Variants in LRIG1 observed in about 807,000 individuals in gnomAD.
LRIG1 encodes the protein leucine rich repeats and immunoglobulin like domains 1.
In LRIG1, 48 loss-of-function variants were observed where a neutral mutation model predicts 99.2. That is an observed-to-expected ratio of 0.48 (90% confidence interval 0.38 to 0.62). The LOEUF is 0.62. Among genes scored for constraint, LRIG1 ranks in the 20% least tolerant of loss-of-function variants. The probability of loss-of-function intolerance (pLI) is 0.00; values close to 1 mark genes in which losing one functional copy is unlikely to be tolerated. For missense variants in LRIG1, 1,646 were observed against 1,434.4 expected, an observed-to-expected ratio of 1.15 and a Z score of -2.38; for synonymous variants, 772 against 596.1, an observed-to-expected ratio of 1.29 and a Z score of -4.30.
intron 3 of LRIG1, among the ~76,000 whole-genome samples, chr3:66,435,317 G>T (rs1703319979): frequency 6.6e-6 from 1 of 152,172 alleles, no homozygotes; most frequent in Admixed American, 6.5e-5. Context: ...CCAGCACTTT[G>T]GGAGGCCGAG....
intron 3 of LRIG1, among the ~76,000 whole-genome samples, chr3:66,423,238 A>G (rs574039831): frequency 7.6e-4 from 116 of 152,360 alleles, no homozygotes; most frequent in African/African-American, 2.6e-3. Context: ...AATACTTCAG[A>G]TGGTAAATTT....
chr3:66,391,841 AT>A (rs1701632345), intron 12 of LRIG1, among the ~76,000 whole-genome samples: 1 of 152,254 alleles, frequency 6.6e-6, no homozygotes, highest in Non-Finnish European at 1.5e-5. Flanking sequence ...CATCTAAAGT[AT>A]ACAATTCAAT....
intron 3 of LRIG1, among the ~76,000 whole-genome samples, chr3:66,432,809 G>A (rs751133427): frequency 3.0e-4 from 45 of 152,154 alleles, no homozygotes; most frequent in African/African-American, 9.9e-4. Flanking sequence ...ACCAGGGACA[G>A]GGATAACCCT....
At chr3:66,398,864 T>G (rs1372909321) in intron 10 of LRIG1, 106 bp downstream of exon 10, 1 of 900,058 alleles carries the variant, frequency 1.1e-6, no homozygotes, top group African/African-American at 1.6e-5. Context: ...TGTTTCCAAA[T>G]AGCCTGTTTC....
In LRIG1 at chr3:66,383,011, T is replaced by G; in HGVS notation, c.2462A>C (p.Lys821Thr). 6.2e-7 allele frequency: 1 copy of G among 1,613,632 alleles called. No homozygotes were observed. Among genetic ancestry groups the G allele is most frequent in the Non-Finnish European group, 8.5e-7 (1 of 1,179,650 alleles). ...WVCIIYQTRKKSEEYSVTNTD... is the reference protein window; with the variant it reads ...WVCIIYQTRKTSEEYSVTNTD... ...GTTGGTGACACTGTACTCTTCACTC[T>G]TCTTCCTGGTCTGGTAGATGATGCA... is the stretch of plus-strand genomic sequence containing the variant. The change falls in exon 15 of 19, where the codon AAG becomes ACG. Residue 821 changes from lysine to threonine, a missense_variant. Lys to Thr is a moderately conservative substitution (Grantham distance 78). Coordinates refer to ENST00000273261, the MANE Select transcript of LRIG1 (RefSeq NM_015541.3).
At position 66,385,987 on chromosome 3, in the gene LRIG1, C is replaced by A. The variant is rs755805707; in HGVS notation, c.1783G>T (p.Val595Leu). Residue 595 changes from valine to leucine, a missense_variant, in exon 13 of 19, where the codon GTG (valine) becomes TTG (leucine). Physicochemically the swap from Val to Leu is conservative, Grantham distance 32. Transcript: ENST00000273261. The stretch of plus-strand genomic sequence containing the variant: ...AAAGATGGTGTTTCCATACCATTCA[C>A]GGTGAGCCTGGCCTTATGTGAATAG... ...STYSHKARLTVNVLPSFTKTP... is the reference protein window; with the variant it reads ...STYSHKARLTLNVLPSFTKTP... The A allele has an allele frequency of 6.2e-7, 1 of 1,613,236 alleles. No homozygotes were observed. The highest frequency in any genetic ancestry group is 1.3e-5 in the African/African-American group (1 of 75,022).
At chr3:66,457,348 AGGCCTGG>A (rs1489407930) in intron 2 of LRIG1, among the ~76,000 whole-genome samples, 1 of 152,014 alleles carries the variant, frequency 6.6e-6, no homozygotes, top group Non-Finnish European at 1.5e-5. Context: ...CCTTAGGGTA[AGGCCTGG>A]GTCTTTTATC....
intron 1 of LRIG1, among the ~76,000 whole-genome samples, chr3:66,476,280 C>T (rs1358493440): frequency 6.6e-6 from 1 of 152,142 alleles, no homozygotes; most frequent in Non-Finnish European, 1.5e-5. Context: ...ATTCAGCAAC[C>T]AATACCCAAA....
In LRIG1 at chr3:66,473,536, G is replaced by A. The variant is rs373823778; in HGVS notation, c.219-11027C>T. Reference sequence around the variant, plus strand: ...CTTACTTGCATTTGCCACAATGCTCGGCGTTACAAATGGATTAAGTACAAG... The same window carrying A: ...CTTACTTGCATTTGCCACAATGCTCAGCGTTACAAATGGATTAAGTACAAG... On this transcript the variant is annotated intron_variant, in intron 1 of 18. Coordinates refer to ENST00000273261, the MANE Select transcript of LRIG1 (RefSeq NM_015541.3). 9.9e-5 allele frequency among the ~76,000 whole-genome samples: 15 copies of A among 152,236 alleles called. No individual in the cohort carries two copies. In the East Asian group the frequency reaches 1.3e-3, roughly 14 times the overall value.
At position 66,451,649 on chromosome 3, in the gene LRIG1, G is replaced by A; in HGVS notation, c.291-16C>T. On this transcript the variant is annotated splice_polypyrimidine_tract_variant and intron_variant, in intron 2 of 18. Coordinates refer to ENST00000273261, the MANE Select transcript of LRIG1 (RefSeq NM_015541.3). The stretch of plus-strand genomic sequence containing the variant: ...ATTGAGGTACCTGTAACAACAACAA[G>A]AAATTAATCATGTAAGGCATTTGAA... 1.3e-6 allele frequency: 2 copies of A among 1,597,164 alleles called. No homozygotes were observed. The highest frequency in any genetic ancestry group is 1.7e-6 in the Non-Finnish European group (2 of 1,164,960).
intron 1 of LRIG1, among the ~76,000 whole-genome samples, chr3:66,483,838 G>T (rs1169895473): frequency 6.6e-6 from 1 of 152,224 alleles, no homozygotes; most frequent in Non-Finnish European, 1.5e-5. Context: ...AGAGGAGAGC[G>T]CCTGAGCCTG....
At chr3:66,388,841 G>A (rs1014826820) in intron 12 of LRIG1, among the ~76,000 whole-genome samples, 1 of 152,126 alleles carries the variant, frequency 6.6e-6, no homozygotes, top group South Asian at 2.1e-4. Flanking sequence ...TATCAGGCCT[G>A]CCCCACAAGA....
chr3:66,447,289 A>G (rs941619427), intron 3 of LRIG1, among the ~76,000 whole-genome samples: 12 of 152,158 alleles, frequency 7.9e-5, no homozygotes, highest in Non-Finnish European at 1.2e-4. Flanking sequence ...TCACCCTGTT[A>G]TGCTATCAAA....
At chr3:66,482,698 T>C (rs775572570) in intron 1 of LRIG1, among the ~76,000 whole-genome samples, 6 of 152,218 alleles carry the variant, frequency 3.9e-5, no homozygotes, top group Non-Finnish European at 8.8e-5. Context: ...TAAGGATGTC[T>C]ATCAAAGCTT....
At chr3:66,475,489 T>C (rs1700700915) in intron 1 of LRIG1, among the ~76,000 whole-genome samples, 1 of 152,152 alleles carries the variant, frequency 6.6e-6, no homozygotes, top group Non-Finnish European at 1.5e-5. Context: ...CTGGCTTTCC[T>C]TTCTCCTTAC....
At chr3:66,453,443 G>A (rs1194039229) in intron 2 of LRIG1, among the ~76,000 whole-genome samples, 1 of 152,178 alleles carries the variant, frequency 6.6e-6, no homozygotes, top group Non-Finnish European at 1.5e-5. Flanking sequence ...TAAGTAATTT[G>A]ACCAAGGTCA....
chr3:66,450,131 AC>A (rs1277538578), intron 3 of LRIG1, among the ~76,000 whole-genome samples: 43 of 152,286 alleles, frequency 2.8e-4, no homozygotes, highest in African/African-American at 9.6e-4. Context: ...GGGCCCACAA[AC>A]CAAGTGGGTA....
rs574407485 is a variant in LRIG1, at chr3:66,386,134, C to T, written c.1636G>A (p.Val546Ile). The change falls in exon 13 of 19, where the codon GTC becomes ATC. Residue 546 changes from valine (V) to isoleucine (I), a missense_variant. Transcript: ENST00000273261. ...TCCCCGTCCTGCGCGTGGACGTGGA[C>T]AAAGTTCTCCATGTCTGCATTGGTC... ...VLTNADMENFVHVHAQDGEVM... is the reference protein window; with the variant it reads ...VLTNADMENFIHVHAQDGEVM... 1 of 1,614,114 alleles carries T rather than the reference C, an allele frequency of 6.2e-7. No homozygotes were observed. The highest frequency in any genetic ancestry group is 8.5e-7 in the Non-Finnish European group (1 of 1,180,022).
intron 1 of LRIG1, among the ~76,000 whole-genome samples, chr3:66,475,219 C>CCAACA (rs1700693699): frequency 6.6e-6 from 1 of 152,228 alleles, no homozygotes; most frequent in Non-Finnish European, 1.5e-5. Flanking sequence ...GTCAAAGTCT[C>CCAACA]TGCCTAGCCT....
Sources: gnomAD v4.1 joint callset for allele counts (sites outside exome capture counted in the v4.1 genomes callset) on GRCh38, gnomAD v4.1.1 for gene constraint, MANE v1.5 for transcripts, NCBI Gene and HGNC (gene_info 2026-07-23, HGNC 2026-07-21) for gene names.